The following DLG1 variants were observed in gnomAD, a reference collection of about 807,000 sequenced individuals.
DLG1 encodes disks large homolog 1.
In DLG1, 42 loss-of-function variants were observed where a neutral mutation model predicts 123.4. That is an observed-to-expected ratio of 0.34 (90% confidence interval 0.27 to 0.44). DLG1 has a LOEUF of 0.44. DLG1 is among the 20% of genes least tolerant of loss of function. The pLI, the probability that DLG1 is intolerant of heterozygous loss-of-function variation, is 1.00. For missense variants in DLG1, 942 were observed against 1,082.6 expected (o/e 0.87, Z 1.82); for synonymous variants, 317 against 356.2 (o/e 0.89, Z 1.24).
At chr3:197,130,097 T>C (rs1781742776) in intron 11 of DLG1, among the ~76,000 whole-genome samples, 1 of 152,158 alleles carries the variant, frequency 6.6e-6, no homozygotes, top group African/African-American at 2.4e-5. Flanking sequence ...CTTCAATTTG[T>C]AATAAATGTA....
chr3:197,188,307 A>G (rs1231243261), intron 5 of DLG1, among the ~76,000 whole-genome samples: 1 of 152,138 alleles, frequency 6.6e-6, no homozygotes, highest in Non-Finnish European at 1.5e-5. Context: ...CTTTATGCAA[A>G]TGTCAACTTG....
chr3:197,288,248 CAGCT>C (rs2151204637), intron 3 of DLG1, among the ~76,000 whole-genome samples: 1 of 150,892 alleles, frequency 6.6e-6, no homozygotes, highest in East Asian at 2.0e-4. Flanking sequence ...CCTGTAATCC[CAGCT>C]ACTCAGGAGG....
chr3:197,053,459 G>A (rs961634170), intron 23 of DLG1, among the ~76,000 whole-genome samples: 1 of 151,106 alleles, frequency 6.6e-6, no homozygotes, highest in Non-Finnish European at 1.5e-5. Flanking sequence ...ACTGTTTTCT[G>A]GCCTCCAGAG....
intron 4 of DLG1, among the ~76,000 whole-genome samples, chr3:197,211,198 C>T (rs937962485): frequency 2.1e-5 from 3 of 146,012 alleles, no homozygotes; most frequent in Admixed American, 1.4e-4. Context: ...GAAAACCCTA[C>T]AGCTAACAGA....
At chr3:197,267,702 C>G (rs1762288608) in intron 4 of DLG1, among the ~76,000 whole-genome samples, 1 of 152,160 alleles carries the variant, frequency 6.6e-6, no homozygotes, top group Non-Finnish European at 1.5e-5. Flanking sequence ...CTTAAACATA[C>G]TTACAAAGAC....
intron 5 of DLG1, among the ~76,000 whole-genome samples, chr3:197,177,736 C>A (rs1416167918): frequency 1.3e-5 from 2 of 152,042 alleles, no homozygotes. Flanking sequence ...ATTAAAGTAT[C>A]CTAGTTTGGT....
chr3:197,234,936 C>T (rs1221844305), intron 4 of DLG1, among the ~76,000 whole-genome samples: 2 of 151,996 alleles, frequency 1.3e-5, no homozygotes, highest in African/African-American at 4.8e-5. Context: ...CAGCTTAAAT[C>T]TATTGTGAAA....
At chr3:197,230,361 T>C (rs1742298450) in intron 4 of DLG1, among the ~76,000 whole-genome samples, 1 of 152,158 alleles carries the variant, frequency 6.6e-6, no homozygotes, top group Non-Finnish European at 1.5e-5. Context: ...AACTGAAATC[T>C]TATAAAAGGG....
At chr3:197,183,483 T>C (rs1406751758) in intron 5 of DLG1, 26 of 1,178,952 alleles carry the variant, frequency 2.2e-5, no homozygotes, top group Admixed American at 9.8e-5. Flanking sequence ...TTCAAGGCTA[T>C]TCTTTAAATA....
At position 197,131,983 on chromosome 3, in the gene DLG1, T is replaced by G. The variant is rs533793175; in HGVS notation, c.1021-1312A>C. On this transcript the variant is annotated intron_variant, in intron 10 of 24. Transcript: ENST00000667157. Reference sequence around the variant, plus strand: ...CAACTATAACACTGATTAGAAGTGGTAGTTTATGTCTTTCTAGCAATCTGT... The same window carrying G: ...CAACTATAACACTGATTAGAAGTGGGAGTTTATGTCTTTCTAGCAATCTGT... 3.3e-5 allele frequency among the ~76,000 whole-genome samples: 5 copies of G among 152,300 alleles called. No individual in the cohort carries two copies. In the South Asian group the frequency reaches 1.0e-3, roughly 32 times the overall value.
chr3:197,134,346 C>T (rs73210517), intron 10 of DLG1, among the ~76,000 whole-genome samples: 18,825 of 151,766 alleles, frequency 0.12, 1,239 homozygotes, highest in Middle Eastern at 0.15. Flanking sequence ...TGGAAAACAA[C>T]AGGATGGTTT....
At chr3:197,175,524 G>C (rs569325774) in intron 5 of DLG1, among the ~76,000 whole-genome samples, 7 of 152,140 alleles carry the variant, frequency 4.6e-5, no homozygotes, top group Non-Finnish European at 1.0e-4. Flanking sequence ...TTAAGCCATA[G>C]TGTTACATAA....
chr3:197,201,674 CACAA>C (rs1243008303), intron 4 of DLG1, among the ~76,000 whole-genome samples: 1 of 152,000 alleles, frequency 6.6e-6, no homozygotes, highest in African/African-American at 2.4e-5. Context: ...TTGTAGATGA[CACAA>C]ACAAATGGAA....
Position 197,119,484 on chromosome 3 carries a change from CAAG to C in DLG1, c.1209_1211del (p.Phe403del). 1 of 1,611,536 alleles carries C rather than the reference CAAG, an allele frequency of 6.2e-7. No homozygotes were observed. The highest frequency in any genetic ancestry group is 8.5e-7 in the Non-Finnish European group (1 of 1,178,370). ...TGGCTGGAGATGCTGGTGTCTGGCC[CAAG>C]AAGGAAGATGGGCTAACATGGTTAT... On this transcript the variant is annotated inframe_deletion, in exon 12 of 25. Coordinates refer to ENST00000667157, the MANE Select transcript of DLG1 (RefSeq NM_001366207.1).
chr3:197,046,915 C>T (rs2342064), intron 24 of DLG1, among the ~76,000 whole-genome samples: 49,661 of 142,078 alleles, frequency 0.35, 9,801 homozygotes, highest in East Asian at 0.72. Context: ...AAAAACAAAA[C>T]GAAACAAAAA....
intron 4 of DLG1, among the ~76,000 whole-genome samples, chr3:197,255,914 C>T (rs577055637): frequency 6.6e-6 from 1 of 152,108 alleles, no homozygotes; most frequent in Admixed American, 6.6e-5. Flanking sequence ...AAGCTGCGTA[C>T]TTAGATTTGT....
intron 15 of DLG1, among the ~76,000 whole-genome samples, chr3:197,087,627 C>T (rs73208273): frequency 0.14 from 21,938 of 151,970 alleles, 1,680 homozygotes; most frequent in African/African-American, 0.17. Flanking sequence ...GAGAAGACAA[C>T]AGGGGAAGAG....
intron 22 of DLG1, 77 bp from the exon 23 acceptor site, chr3:197,060,075 G>T: frequency 3.0e-6 from 3 of 984,494 alleles, no homozygotes; most frequent in Non-Finnish European, 4.7e-6. Context: ...TTTCCTACAG[G>T]TCCACAGTCT....
intron 4 of DLG1, among the ~76,000 whole-genome samples, chr3:197,268,736 T>C (rs548442626): frequency 5.3e-5 from 8 of 152,210 alleles, no homozygotes; most frequent in African/African-American, 1.7e-4. Context: ...TTTTAACTTT[T>C]TGACTCTTTC....
Sources: allele counts gnomAD v4.1 joint callset (sites outside exome capture counted in the v4.1 genomes callset), GRCh38; gene constraint gnomAD v4.1.1; transcripts MANE v1.5; gene names NCBI Gene and HGNC (gene_info 2026-07-23, HGNC 2026-07-21).